The following GALNTL6 variants were observed in gnomAD, a reference collection of about 807,000 sequenced individuals.
GALNTL6 encodes polypeptide N-acetylgalactosaminyltransferase like 6.
Under a neutral mutation model 73.7 loss-of-function variants are expected in GALNTL6, and 46 were observed. The ratio of observed to expected loss-of-function variants is 0.62; its 90% CI spans 0.49 to 0.80. The LOEUF is 0.80. Among genes scored for constraint, GALNTL6 ranks in the 30% least tolerant of loss-of-function variants. The pLI, the probability that GALNTL6 is intolerant of heterozygous loss-of-function variation, is 0.00. For missense variants in GALNTL6, 604 were observed against 755.0 expected, an observed-to-expected ratio of 0.80 and a Z score of 2.34; for synonymous variants, 259 against 263.7, an observed-to-expected ratio of 0.98 and a Z score of 0.17.
At chr4:171,914,951 A>G (rs996405002) in intron 2 of GALNTL6, among the ~76,000 whole-genome samples, 1 of 152,034 alleles carries the variant, frequency 6.6e-6, no homozygotes, top group African/African-American at 2.4e-5. Context: ...ATATGTTGGT[A>G]TAATAGATAT....
rs140836270 is a variant in GALNTL6, at chr4:171,949,271, C to T, written c.138+134553C>T. 3.6e-3 allele frequency among the ~76,000 whole-genome samples: 543 copies of T among 152,242 alleles called. 1 individual carries two copies. The highest frequency in any genetic ancestry group is 0.012 in the African/African-American group (512 of 41,560). ...AAGATACATTAAGAAAACAACAAACCTTACATAGCAATAACAAGCAAATGT... is the reference window on the plus strand; with the variant it reads ...AAGATACATTAAGAAAACAACAAACTTTACATAGCAATAACAAGCAAATGT... On this transcript the variant is annotated intron_variant, in intron 2 of 12. Coordinates refer to ENST00000506823, the MANE Select transcript of GALNTL6 (RefSeq NM_001034845.3).
intron 5 of GALNTL6, among the ~76,000 whole-genome samples, chr4:172,745,348 A>C (rs893402053): frequency 6.6e-6 from 1 of 151,746 alleles, no homozygotes. Flanking sequence ...AGCTCTTATT[A>C]TGTTATACAT....
intron 12 of GALNTL6, among the ~76,000 whole-genome samples, chr4:173,038,041 C>G (rs114482888): frequency 2.0e-5 from 3 of 152,132 alleles, no homozygotes; most frequent in African/African-American, 4.8e-5. Context: ...CGGTACCCAG[C>G]CCCACATGAG....
chr4:172,290,742 TATC>T (rs1739440561), intron 3 of GALNTL6, among the ~76,000 whole-genome samples: 1 of 151,810 alleles, frequency 6.6e-6, no homozygotes, highest in East Asian at 1.9e-4. Context: ...ATAAAATATT[TATC>T]ATATCATATA....
chr4:172,073,181 G>A (rs1303121331), intron 2 of GALNTL6, among the ~76,000 whole-genome samples: 1 of 152,012 alleles, frequency 6.6e-6, no homozygotes, highest in Non-Finnish European at 1.5e-5. Context: ...TCTTTTCATA[G>A]AGAACTTTCC....
chr4:172,577,262 G>A (rs1468707746), intron 5 of GALNTL6, among the ~76,000 whole-genome samples: 2 of 152,192 alleles, frequency 1.3e-5, no homozygotes, highest in Admixed American at 6.5e-5. Context: ...CCATGAGAAA[G>A]TTTTTTCAAA....
intron 5 of GALNTL6, among the ~76,000 whole-genome samples, chr4:172,441,784 T>G (rs336008): frequency 0.87 from 132,430 of 152,114 alleles, 57,683 homozygotes; most frequent in South Asian, 0.89. Context: ...GAGGAAATTT[T>G]CTAATCTGTA....
intron 2 of GALNTL6, among the ~76,000 whole-genome samples, chr4:171,934,054 T>G (rs998987378): frequency 2.0e-5 from 3 of 152,214 alleles, no homozygotes; most frequent in African/African-American, 7.2e-5. Context: ...GAATCTACTT[T>G]TAACATATCT....
At chr4:172,456,089 C>G (rs1320991642) in intron 5 of GALNTL6, among the ~76,000 whole-genome samples, 1 of 152,150 alleles carries the variant, frequency 6.6e-6, no homozygotes, top group Non-Finnish European at 1.5e-5. Context: ...CAAACTCCAG[C>G]AGACTTGCAG....
At chr4:172,154,108 TTG>T (rs1207145242) in intron 2 of GALNTL6, among the ~76,000 whole-genome samples, 2 of 152,024 alleles carry the variant, frequency 1.3e-5, no homozygotes, top group African/African-American at 4.8e-5. Context: ...TCACTGCTTC[TTG>T]TGTGTTAAAT....
At chr4:172,715,419 T>C (rs1444131806) in intron 5 of GALNTL6, among the ~76,000 whole-genome samples, 1 of 152,188 alleles carries the variant, frequency 6.6e-6, no homozygotes, top group Non-Finnish European at 1.5e-5. Context: ...AGAGTGCAGG[T>C]TCTGCAAACA....
Position 171,813,528 on chromosome 4 carries a change from C to T in GALNTL6, c.-632C>T, listed in dbSNP as rs1015194240. 6.6e-6 allele frequency: 1 copy of T among 152,514 alleles called. No homozygotes were observed. The highest frequency in any genetic ancestry group is 1.5e-5 in the Non-Finnish European group (1 of 68,250). The allele number at this position is 152,514 out of a possible 1,614,324, so 9.4% of individuals were successfully genotyped here. On this transcript the variant is annotated 5_prime_UTR_variant, in exon 1 of 13. Transcript: ENST00000506823. This position sits in a 1 kb window ranked among gnomAD's most constrained non-coding sequence, Gnocchi z 5.2. ...GCAGCGCCCTCGTCCGCTTCCAAGC[C>T]CAGCACAGACTTCGGTTTCTCCGCC...
chr4:172,219,143 A>G (rs1736589697), intron 2 of GALNTL6, among the ~76,000 whole-genome samples: 1 of 147,536 alleles, frequency 6.8e-6, no homozygotes, highest in Non-Finnish European at 1.5e-5. Flanking sequence ...ATTAAAATGG[A>G]TAGATTAATT....
chr4:172,641,566 C>T (rs950259340), intron 5 of GALNTL6, among the ~76,000 whole-genome samples: 5 of 152,022 alleles, frequency 3.3e-5, no homozygotes, highest in Non-Finnish European at 5.9e-5. Flanking sequence ...GCTCCTTCAC[C>T]TTCTTCAAGA....
In GALNTL6 at chr4:172,937,184, T is replaced by G. The variant is rs532895561; in HGVS notation, c.1149+5916T>G. Among the ~76,000 whole-genome samples, 6 of 151,730 alleles carry G rather than the reference T, an allele frequency of 4.0e-5. No homozygotes were observed. In the South Asian group the frequency reaches 1.2e-3, roughly 32 times the overall value. On this transcript the variant is annotated intron_variant, in intron 9 of 12. Coordinates refer to ENST00000506823, the MANE Select transcript of GALNTL6 (RefSeq NM_001034845.3). ...TGAACAGGAAGTATCAGGATAAAAA[T>G]AGCAGAGGTAAAATAGAAAGGTCAA...
At chr4:172,127,167 C>G (rs754409074) in intron 2 of GALNTL6, among the ~76,000 whole-genome samples, 1 of 152,176 alleles carries the variant, frequency 6.6e-6, no homozygotes, top group Non-Finnish European at 1.5e-5. Context: ...TGATGTGGGC[C>G]TGGAGATTAC....
intron 5 of GALNTL6, among the ~76,000 whole-genome samples, chr4:172,647,498 G>A (rs2111140349): frequency 6.6e-6 from 1 of 152,126 alleles, no homozygotes; most frequent in South Asian, 2.1e-4. Flanking sequence ...AGTAAAAATG[G>A]TGGTTTCTTC....
chr4:172,750,946 T>C (rs1737388808), intron 5 of GALNTL6, among the ~76,000 whole-genome samples: 1 of 152,168 alleles, frequency 6.6e-6, no homozygotes, highest in Non-Finnish European at 1.5e-5. Flanking sequence ...TAGTCCAGGT[T>C]CTAGGAATGT....
intron 2 of GALNTL6, among the ~76,000 whole-genome samples, chr4:171,832,813 T>C (rs1224522043): frequency 6.6e-6 from 1 of 151,752 alleles, no homozygotes; most frequent in Non-Finnish European, 1.5e-5. Flanking sequence ...TAAGTAGGTC[T>C]ACACTAGCTG....
Sources: gnomAD v4.1 joint callset for allele counts (sites outside exome capture counted in the v4.1 genomes callset) on GRCh38, gnomAD v4.1.1 for gene constraint, Gnocchi (gnomAD v3.1) non-coding constraint, MANE v1.5 for transcripts, NCBI Gene and HGNC (gene_info 2026-07-23, HGNC 2026-07-21) for gene names.